The following GLB1L2 variants were observed in gnomAD, a reference collection of about 807,000 sequenced individuals.
GLB1L2 encodes beta-galactosidase-1-like protein 2.
Under a neutral mutation model 84.1 loss-of-function variants are expected in GLB1L2, and 68 were observed. That is an observed-to-expected ratio of 0.81 (90% CI 0.67 to 0.99). The LOEUF is 0.99. Among genes scored for constraint, GLB1L2 ranks in the 50% least tolerant of loss-of-function variants. The pLI is 0.00. For synonymous variants in GLB1L2, 290 were observed against 318.0 expected, an observed-to-expected ratio of 0.91 and a Z score of 0.94; for missense variants, 762 against 805.6, an observed-to-expected ratio of 0.95 and a Z score of 0.66.
At position 134,370,275 on chromosome 11, in the gene GLB1L2, C is replaced by G. The variant is rs1943930693; in HGVS notation, c.1109-18C>G. 1 of 1,607,628 alleles carries G rather than the reference C, an allele frequency of 6.2e-7. No homozygotes were observed. Among genetic ancestry groups the G allele is most frequent in the South Asian group, 1.1e-5 (1 of 90,924 alleles). ...ACATTTGGGTCCGTTGGGGGTGACC[C>G]TGTTTTCTGTGTTGCAGGCATCCCT... On this transcript the variant is annotated intron_variant, in intron 11 of 18. Coordinates refer to ENST00000535456, the MANE Select transcript of GLB1L2 (RefSeq NM_001370461.1). This position sits in a 1 kb window ranked among gnomAD's most constrained non-coding sequence, Gnocchi z 4.7.
At chr11:134,359,332 G>A (rs1000963495) in intron 7 of GLB1L2, among the ~76,000 whole-genome samples, 191 bp downstream of exon 7, 3 of 152,232 alleles carry the variant, frequency 2.0e-5, no homozygotes, top group East Asian at 1.9e-4. Flanking sequence ...ATTGTGGTGC[G>A]TGGCTGGCTG....
At position 134,373,084 on chromosome 11, in the gene GLB1L2, A is replaced by G. The variant is rs768851465; in HGVS notation, c.1508-637A>G. Among the ~76,000 whole-genome samples the G allele has an allele frequency of 3.3e-5, 5 of 152,090 alleles. No individual in the cohort carries two copies. The South Asian group carries it at 8.3e-4, about 25-fold the overall frequency. Reference sequence around the variant, plus strand: ...AATGCGCGTGCCCACATAGACCCGCACCTGCCATTTCGGAGTCTGTAGGCC... The same window carrying G: ...AATGCGCGTGCCCACATAGACCCGCGCCTGCCATTTCGGAGTCTGTAGGCC... On this transcript the variant is annotated intron_variant, in intron 15 of 18. Coordinates refer to ENST00000535456, the MANE Select transcript of GLB1L2 (RefSeq NM_001370461.1).
At chr11:134,369,433 G>A (rs988612580) in intron 10 of GLB1L2, among the ~76,000 whole-genome samples, 17 of 142,844 alleles carry the variant, frequency 1.2e-4, no homozygotes, top group Admixed American at 6.1e-4. Context: ...GGCCTCGAGC[G>A]ATCCTCCTGC....
At chr11:134,350,408 T>C (rs575044212) in intron 5 of GLB1L2, among the ~76,000 whole-genome samples, 2 of 152,324 alleles carry the variant, frequency 1.3e-5, no homozygotes, top group Admixed American at 1.3e-4. Flanking sequence ...AAGGCAGCAC[T>C]GAGTTCAATG....
At chr11:134,344,208 G>A (rs1943511480) in intron 2 of GLB1L2, among the ~76,000 whole-genome samples, 179 bp from the exon 3 acceptor site, 1 of 152,212 alleles carries the variant, frequency 6.6e-6, no homozygotes, top group Non-Finnish European at 1.5e-5. Context: ...AGAGGGAAGA[G>A]GGCTTGCCCT....
intron 1 of GLB1L2, among the ~76,000 whole-genome samples, chr11:134,342,161 G>A (rs1282356280): frequency 6.6e-6 from 1 of 152,136 alleles, no homozygotes; most frequent in African/African-American, 2.4e-5. Context: ...GAGAGATGCC[G>A]AGAGGCGCTT....
At chr11:134,337,232 G>C (rs1943400268) in intron 1 of GLB1L2, among the ~76,000 whole-genome samples, 1 of 152,228 alleles carries the variant, frequency 6.6e-6, no homozygotes, top group Non-Finnish European at 1.5e-5. Flanking sequence ...CAAGAGTGCT[G>C]TGGACCTCTT....
At chr11:134,347,045 G>T in intron 4 of GLB1L2, 1 of 410,648 alleles carries the variant, frequency 2.4e-6, no homozygotes, top group East Asian at 3.9e-5. Context: ...CCTGTGAAAA[G>T]CTTTTCTCAC....
At chr11:134,335,922 A>G (rs1279669008) in intron 1 of GLB1L2, among the ~76,000 whole-genome samples, 3 of 152,170 alleles carry the variant, frequency 2.0e-5, no homozygotes, top group Non-Finnish European at 4.4e-5. Context: ...CATCACCAGC[A>G]GGGGCAGGGT....
At chr11:134,367,909 C>T (rs1052166864) in intron 9 of GLB1L2, among the ~76,000 whole-genome samples, 5 of 152,354 alleles carry the variant, frequency 3.3e-5, no homozygotes, top group South Asian at 4.1e-4. Flanking sequence ...CACGCCATCC[C>T]GGCGAGCATC....
intron 10 of GLB1L2, 33 bp downstream of exon 10, chr11:134,368,814 T>C (rs761876285): frequency 2.5e-6 from 4 of 1,610,386 alleles, no homozygotes; most frequent in Non-Finnish European, 1.7e-6. Flanking sequence ...CTCCCTGGTC[T>C]GCCCTGCATG....
At position 134,339,301 on chromosome 11, in the gene GLB1L2, G is replaced by A. The variant is rs763598782; in HGVS notation, c.87-3453G>A. Among the ~76,000 whole-genome samples, 22 of 152,128 alleles carry A rather than the reference G, an allele frequency of 1.4e-4. 1 individual carries two copies. The highest frequency in any genetic ancestry group is 2.6e-4 in the Admixed American group (4 of 15,280). ...TCAGGAAATTATGGGGTTATTCTCC[G>A]TCTTATGATTATTAGTATTAATGAT... On this transcript the variant is annotated intron_variant, in intron 1 of 18. Transcript: ENST00000535456. This position sits in a 1 kb window ranked among gnomAD's most constrained non-coding sequence, Gnocchi z 5.7.
chr11:134,363,358 C>T (rs1040501761), intron 7 of GLB1L2, among the ~76,000 whole-genome samples: 1 of 152,222 alleles, frequency 6.6e-6, no homozygotes, highest in Non-Finnish European at 1.5e-5. Context: ...TTTCGTCCTG[C>T]AGCAGAGCAT....
In GLB1L2 at chr11:134,371,766, G is replaced by A. The variant is rs745582988; in HGVS notation, c.1443G>A (p.Leu481=). Reference sequence around the variant, plus strand: ...GTTCCCGGCAGGGTTACACCGTGCTGAGGATCTTGGTGGAGAATCGTGGGC... The same window carrying A: ...GTTCCCGGCAGGGTTACACCGTGCTAAGGATCTTGGTGGAGAATCGTGGGC... ...AVPLIQGYTV[L]RILVENRGRV... The change falls in exon 15 of 19, where the codon CTG becomes CTA. Residue 481 remains leucine, a synonymous_variant. Transcript: ENST00000535456. The A allele has an allele frequency of 1.2e-6, 2 of 1,614,190 alleles. 1 individual carries two copies. Among genetic ancestry groups the A allele is most frequent in the South Asian group, 2.2e-5 (2 of 91,086 alleles).
chr11:134,350,004 C>A (rs757576057), intron 5 of GLB1L2, among the ~76,000 whole-genome samples: 13 of 152,266 alleles, frequency 8.5e-5, no homozygotes, highest in Admixed American at 1.3e-4. Flanking sequence ...AAGACAAAGT[C>A]CTCTTTACTC....
chr11:134,353,274 G>A (rs914469477), intron 5 of GLB1L2, among the ~76,000 whole-genome samples: 4 of 152,050 alleles, frequency 2.6e-5, no homozygotes, highest in African/African-American at 4.8e-5. Flanking sequence ...GCCAGGTGTG[G>A]TGACGGGCAC....
intron 8 of GLB1L2, chr11:134,366,956 A>T: frequency 2.5e-6 from 1 of 400,526 alleles, no homozygotes; most frequent in Non-Finnish European, 4.6e-6. Context: ...GCTTGGCTTG[A>T]TCCTGGACCA....
intron 7 of GLB1L2, among the ~76,000 whole-genome samples, chr11:134,363,745 G>A (rs1023328486): frequency 1.3e-5 from 2 of 152,214 alleles, no homozygotes; most frequent in African/African-American, 2.4e-5. Flanking sequence ...GGAACAGAGT[G>A]CATGCTCGGC....
rs111226830 is a variant in GLB1L2, at chr11:134,363,668, CATT to C, written c.734-658_734-656del. On this transcript the variant is annotated intron_variant, in intron 7 of 18. Coordinates refer to ENST00000535456, the MANE Select transcript of GLB1L2 (RefSeq NM_001370461.1). The stretch of plus-strand genomic sequence containing the variant: ...ATCAGAGAGGAATCTTTGTTTACAT[CATT>C]ACCTTGGACCGGATGCTTGGGGTGC... 6.8e-4 allele frequency among the ~76,000 whole-genome samples: 103 copies of C among 152,324 alleles called. 1 individual carries two copies. Among genetic ancestry groups the C allele is most frequent in the African/African-American group, 2.2e-3 (92 of 41,556 alleles).
Sources: gnomAD v4.1 joint callset for allele counts (sites outside exome capture counted in the v4.1 genomes callset) on GRCh38, gnomAD v4.1.1 for gene constraint, Gnocchi (gnomAD v3.1) non-coding constraint, MANE v1.5 for transcripts, NCBI Gene and HGNC (gene_info 2026-07-23, HGNC 2026-07-21) for gene names.